Variants in PC observed in about 807,000 individuals in gnomAD.
PC encodes the protein pyruvate carboxylase, mitochondrial.
A neutral mutation model predicts 107.8 loss-of-function variants in PC; 46 were observed. That is an observed-to-expected ratio of 0.43 (90% CI 0.34 to 0.55). The LOEUF (loss-of-function observed/expected upper bound fraction) is 0.55. Among genes scored for constraint, PC ranks in the 20% least tolerant of loss-of-function variants. The probability of loss-of-function intolerance (pLI) is 0.04; values close to 1 mark genes in which losing one functional copy is unlikely to be tolerated. For missense variants in PC, 1,241 were observed against 1,643.1 expected, an observed-to-expected ratio of 0.76 and a Z score of 4.23; for synonymous variants, 662 against 684.7, an observed-to-expected ratio of 0.97 and a Z score of 0.52.
intron 3 of PC, among the ~76,000 whole-genome samples, chr11:66,878,388 C>G (rs773339183): frequency 6.6e-6 from 1 of 152,250 alleles, no homozygotes; most frequent in Non-Finnish European, 1.5e-5. Context: ...ACTGCCTTTT[C>G]CATGCAAAGA....
At chr11:66,900,730 T>G (rs1947924036) in intron 3 of PC, among the ~76,000 whole-genome samples, 1 of 152,212 alleles carries the variant, frequency 6.6e-6, no homozygotes, top group African/African-American at 2.4e-5. Flanking sequence ...TTTATTAAAT[T>G]TATTCCCAAA....
At chr11:66,891,962 C>A (rs904838629) in intron 3 of PC, among the ~76,000 whole-genome samples, 7 of 152,160 alleles carry the variant, frequency 4.6e-5, no homozygotes, top group Non-Finnish European at 7.4e-5. Context: ...CTGTTCACAT[C>A]ATTTGCCCAC....
chr11:66,938,306 G>T (rs762060107), intron 3 of PC, among the ~76,000 whole-genome samples: 6 of 152,004 alleles, frequency 3.9e-5, no homozygotes, highest in Non-Finnish European at 5.9e-5. Flanking sequence ...TGAAAAAGTT[G>T]GTTTTAATCA....
chr11:66,868,773 G>T, intron 10 of PC, 73 bp downstream of exon 10: 1 of 1,194,222 alleles, frequency 8.4e-7, no homozygotes, highest in Non-Finnish European at 1.3e-6. Context: ...CTGGCCCCAG[G>T]AGCCACTTCG....
At chr11:66,925,537 G>A (rs1296571842) in intron 3 of PC, among the ~76,000 whole-genome samples, 2 of 152,142 alleles carry the variant, frequency 1.3e-5, no homozygotes, top group Non-Finnish European at 1.5e-5. Context: ...CCTGAACATC[G>A]CTGTTATCCT....
intron 3 of PC, among the ~76,000 whole-genome samples, chr11:66,919,131 T>G (rs1948532920): frequency 6.6e-6 from 1 of 152,144 alleles, no homozygotes; most frequent in African/African-American, 2.4e-5. Flanking sequence ...AATTCTCTCT[T>G]CAAGCCAGGT....
In PC at chr11:66,870,866, G is replaced by C; in HGVS notation, c.660C>G (p.Ala220=). ...CAAAGGCGGCCAGAGCCTCTGAGTAGGCCCGGGTGTAATTCTCCTCCAGCT... is the reference window on the plus strand; with the variant it reads ...CAAAGGCGGCCAGAGCCTCTGAGTACGCCCGGGTGTAATTCTCCTCCAGCT... ...YEELEENYTR[A]YSEALAAFGN... Residue 220 remains alanine, a synonymous_variant, in exon 8 of 23, where the codon GCC becomes GCG. Transcript: ENST00000393960. The surrounding 1 kb of genome is among the most constrained non-coding windows in gnomAD (Gnocchi z 6.1). The C allele has an allele frequency of 6.2e-7, 1 of 1,613,386 alleles. No individual in the cohort carries two copies.
chr11:66,860,779 A>G (rs1675269123), intron 12 of PC: 1 of 692,370 alleles, frequency 1.4e-6, no homozygotes, highest in Non-Finnish European at 2.6e-6. Context: ...AAGCCTGGGG[A>G]GCACGTGTGA....
intron 12 of PC, among the ~76,000 whole-genome samples, chr11:66,855,310 T>C (rs1426627627): frequency 6.6e-6 from 1 of 152,154 alleles, no homozygotes; most frequent in Non-Finnish European, 1.5e-5. Context: ...TAAACATCTA[T>C]ATTTAGAGTG....
chr11:66,876,322 C>T (rs925172235), intron 3 of PC, among the ~76,000 whole-genome samples: 4 of 152,210 alleles, frequency 2.6e-5, no homozygotes, highest in Middle Eastern at 3.2e-3. Flanking sequence ...TACACCCACT[C>T]ACATGGTTCA....
rs1945296695 is a variant in PC at position 66,848,830 on chromosome 11, G to C, written c.*69C>G. ...CCTGGCCTCGGGCACTGGCTGGCCT[G>C]GGCCTGCCGTGGCAGCACAGCTTCT... On this transcript the variant is annotated 3_prime_UTR_variant, in exon 23 of 23. Transcript: ENST00000393960. 1 of 1,604,986 alleles carries C rather than the reference G, an allele frequency of 6.2e-7. No homozygotes were observed. The highest frequency in any genetic ancestry group is 8.5e-7 in the Non-Finnish European group (1 of 1,174,722).
chr11:66,859,228 T>C (rs1220573791), intron 12 of PC: 2 of 1,219,174 alleles, frequency 1.6e-6, no homozygotes, highest in Non-Finnish European at 1.1e-6. Flanking sequence ...GCTGGACTCT[T>C]GGAGGAGCAG....
chr11:66,899,164 C>G (rs1257897966), intron 3 of PC, among the ~76,000 whole-genome samples: 1 of 152,132 alleles, frequency 6.6e-6, no homozygotes, highest in Non-Finnish European at 1.5e-5. Flanking sequence ...GCCACCGTGC[C>G]CAGCCAATTC....
In PC at chr11:66,866,570, C is replaced by A. The variant is rs1472738829; in HGVS notation, c.1023-221G>T. ...GCCGACTAAACTACACAGTGCCTGG[C>A]AGCTGGAGATGGCCCGCTGAAATAC... is the stretch of plus-strand genomic sequence containing the variant. On this transcript the variant is annotated intron_variant, in intron 10 of 22. Transcript: ENST00000393960. This position sits in a 1 kb window ranked among gnomAD's most constrained non-coding sequence, Gnocchi z 5.4. Among the ~76,000 whole-genome samples the A allele has an allele frequency of 2.0e-5, 3 of 152,198 alleles. No homozygotes were observed. The highest frequency in any genetic ancestry group is 4.4e-5 in the Non-Finnish European group (3 of 68,038).
At chr11:66,873,386 A>T (rs1474016429) in intron 3 of PC, among the ~76,000 whole-genome samples, 4 of 104,760 alleles carry the variant, frequency 3.8e-5, no homozygotes, top group East Asian at 2.3e-4. Flanking sequence ...TAAAATATAA[A>T]ATATTATATA....
chr11:66,870,522 C>A lies in PC; in HGVS notation c.752-69G>T. 2 of 1,549,276 alleles carry A rather than the reference C, an allele frequency of 1.3e-6. No individual in the cohort carries two copies. Among genetic ancestry groups the A allele is most frequent in the Non-Finnish European group, 1.8e-6 (2 of 1,134,214 alleles). ...CACGCCTCCTAAATGCCCCATCACCCCCACATAACCACTGTCGCCAGTCAG... is the reference window on the plus strand; with the variant it reads ...CACGCCTCCTAAATGCCCCATCACCACCACATAACCACTGTCGCCAGTCAG... On this transcript the variant is annotated intron_variant, in intron 8 of 22. Transcript: ENST00000393960. This position sits in a 1 kb window ranked among gnomAD's most constrained non-coding sequence, Gnocchi z 6.1.
intron 3 of PC, among the ~76,000 whole-genome samples, chr11:66,941,509 T>C (rs1711719600): frequency 6.6e-6 from 1 of 152,162 alleles, no homozygotes; most frequent in South Asian, 2.1e-4. Flanking sequence ...TCTTTTTTTT[T>C]GAGGCAGAGT....
intron 2 of PC, among the ~76,000 whole-genome samples, chr11:66,953,636 A>G (rs971682768): frequency 6.6e-6 from 1 of 152,214 alleles, no homozygotes. Flanking sequence ...CAAGGCTGAA[A>G]TTCAATGTCT....
chr11:66,870,502 C>T lies in PC; in HGVS notation c.752-49G>A, dbSNP rs1211934656. ...TTAGCTTTTACTGGAATCTACACGC[C>T]TCCTAAATGCCCCATCACCCCCACA... On this transcript the variant is annotated intron_variant, in intron 8 of 22. Coordinates refer to ENST00000393960, the MANE Select transcript of PC (RefSeq NM_001040716.2). This position sits in a 1 kb window ranked among gnomAD's most constrained non-coding sequence, Gnocchi z 6.1. The T allele has an allele frequency of 6.3e-7, 1 of 1,593,846 alleles. No homozygotes were observed. Among genetic ancestry groups the T allele is most frequent in the Non-Finnish European group, 8.6e-7 (1 of 1,169,098 alleles).
Sources: gnomAD v4.1 joint callset for allele counts (sites outside exome capture counted in the v4.1 genomes callset) on GRCh38, gnomAD v4.1.1 for gene constraint, Gnocchi (gnomAD v3.1) non-coding constraint, MANE v1.5 for transcripts, NCBI Gene and HGNC (gene_info 2026-07-23, HGNC 2026-07-21) for gene names.